The following TRPM3 variants were observed in gnomAD, a reference collection of about 807,000 sequenced individuals.
TRPM3 encodes transient receptor potential cation channel subfamily M member 3, also known as long transient receptor potential channel 3.
TRPM3 carries 77 observed loss-of-function variants against 181.2 expected under a neutral mutation model. The ratio of observed to expected loss-of-function variants is 0.42; its 90% CI spans 0.35 to 0.51. The LOEUF is 0.51. TRPM3 is among the 20% of genes least tolerant of loss of function. TRPM3 has a pLI of 0.01. For missense variants in TRPM3, 1,759 were observed against 2,196.7 expected (o/e 0.80, Z 3.98); for synonymous variants, 745 against 796.4 (o/e 0.94, Z 1.09).
chr9:71,263,037 A>G (rs146712742), intron 1 of TRPM3, among the ~76,000 whole-genome samples: 1 of 152,208 alleles, frequency 6.6e-6, no homozygotes, highest in East Asian at 1.9e-4. Flanking sequence ...GTTTTAAAGC[A>G]TTCACAAACA....
At chr9:70,967,197 A>G (rs2097194122) in intron 1 of TRPM3, among the ~76,000 whole-genome samples, 1 of 152,062 alleles carries the variant, frequency 6.6e-6, no homozygotes, top group African/African-American at 2.4e-5. Context: ...TTAATTCTGC[A>G]TAATTCCAGT....
At chr9:70,993,990 C>T (rs2097518631) in intron 1 of TRPM3, among the ~76,000 whole-genome samples, 1 of 152,058 alleles carries the variant, frequency 6.6e-6, no homozygotes, top group Non-Finnish European at 1.5e-5. Flanking sequence ...GATTGTTGCA[C>T]TGAGCAAAAT....
At chr9:71,193,675 TC>T (rs1327654050) in intron 1 of TRPM3, among the ~76,000 whole-genome samples, 3 of 151,942 alleles carry the variant, frequency 2.0e-5, no homozygotes, top group African/African-American at 7.2e-5. Context: ...CACAAAATTG[TC>T]CTTTTTGTTC....
chr9:70,536,736 T>C lies in TRPM3; in HGVS notation c.4377A>G (p.Thr1459=), dbSNP rs535859113. 7 of 1,614,176 alleles carry C rather than the reference T, an allele frequency of 4.3e-6. No homozygotes were observed. Among genetic ancestry groups the C allele is most frequent in the East Asian group, 4.5e-5 (2 of 44,868 alleles). Residue 1459 remains threonine, a synonymous_variant, in exon 26 of 26, where the codon ACA becomes ACG. Transcript: ENST00000677713. ...STAPSSSAYA[T]LAPTDRPPSR... ...TTGGAGGTCTGTCTGTGGGTGCAAGTGTTGCATAGGCACTACTTGAAGGGG... is the reference window on the plus strand; with the variant it reads ...TTGGAGGTCTGTCTGTGGGTGCAAGCGTTGCATAGGCACTACTTGAAGGGG...
chr9:71,015,885 T>C (rs2097780127), intron 1 of TRPM3, among the ~76,000 whole-genome samples: 1 of 151,982 alleles, frequency 6.6e-6, no homozygotes, highest in Non-Finnish European at 1.5e-5. Flanking sequence ...CTAATAATAA[T>C]AATTCACAAG....
chr9:70,620,116 T>C lies in TRPM3; in HGVS notation c.2089A>G (p.Met697Val). 4 of 1,612,572 alleles carry C rather than the reference T, an allele frequency of 2.5e-6. No individual in the cohort carries two copies. The highest frequency in any genetic ancestry group is 3.4e-6 in the Non-Finnish European group (4 of 1,178,676). ...AGCTCCTGGGAAATGTCGTCAACCA[T>C]GTCGTTCTCAGAGGCCTCATGAGCC... ...AMAHEASEND[M>V]VDDISQELNH... The change falls in exon 16 of 26, where the codon ATG becomes GTG. Residue 697 changes from methionine (M) to valine (V), a missense_variant. Met to Val is a conservative substitution (Grantham distance 21, BLOSUM62 1). Transcript: ENST00000677713.
chr9:71,275,846 T>C (rs1400990196), intron 1 of TRPM3, among the ~76,000 whole-genome samples: 1 of 32,944 alleles, frequency 3.0e-5, no homozygotes, highest in Admixed American at 2.6e-4. Context: ...AAGAAGGAAC[T>C]TTTTTTTTTT....
intron 1 of TRPM3, among the ~76,000 whole-genome samples, chr9:71,095,817 C>A (rs2067090205): frequency 6.7e-6 from 1 of 148,882 alleles, no homozygotes; most frequent in South Asian, 2.1e-4. Flanking sequence ...GAGAGAGAGA[C>A]TGACAAAATT....
At chr9:71,316,465 G>T (rs193018163) in intron 1 of TRPM3, among the ~76,000 whole-genome samples, 1 of 152,284 alleles carries the variant, frequency 6.6e-6, no homozygotes. Context: ...TAAGGTTAAG[G>T]ACCTGGAGAA....
chr9:70,932,283 G>A (rs2096783124), intron 1 of TRPM3, among the ~76,000 whole-genome samples: 1 of 151,914 alleles, frequency 6.6e-6, no homozygotes, highest in East Asian at 1.9e-4. Context: ...TGGGGAAGAG[G>A]GCCTTCGTAA....
chr9:70,766,959 T>A (rs891052982), intron 7 of TRPM3, among the ~76,000 whole-genome samples: 4 of 152,242 alleles, frequency 2.6e-5, no homozygotes, highest in African/African-American at 9.6e-5. Context: ...ATTAAATGAG[T>A]TAAGCTTTGT....
At chr9:71,217,345 T>G (rs1274766950) in intron 1 of TRPM3, among the ~76,000 whole-genome samples, 1 of 152,154 alleles carries the variant, frequency 6.6e-6, no homozygotes, top group Non-Finnish European at 1.5e-5. Flanking sequence ...CATGCAACAG[T>G]CAGCTTGTTA....
At chr9:70,829,007 A>G (rs1374821871) in intron 5 of TRPM3, among the ~76,000 whole-genome samples, 6 of 152,252 alleles carry the variant, frequency 3.9e-5, no homozygotes, top group African/African-American at 1.4e-4. Flanking sequence ...TATTTAGGTA[A>G]GAACTGCCCT....
chr9:70,981,376 G>A (rs1437017387), intron 1 of TRPM3, among the ~76,000 whole-genome samples: 1 of 152,182 alleles, frequency 6.6e-6, no homozygotes, highest in Non-Finnish European at 1.5e-5. Flanking sequence ...TAGCTCATTA[G>A]CAAAGATTGT....
chr9:70,622,137 C>T (rs975595322), intron 14 of TRPM3, among the ~76,000 whole-genome samples: 2 of 152,076 alleles, frequency 1.3e-5, no homozygotes, highest in African/African-American at 2.4e-5. Flanking sequence ...GCTCATTCAC[C>T]CTTCTACTGG....
At chr9:70,997,310 C>T (rs2097549254) in intron 1 of TRPM3, among the ~76,000 whole-genome samples, 1 of 152,154 alleles carries the variant, frequency 6.6e-6, no homozygotes, top group Admixed American at 6.5e-5. Flanking sequence ...GCTATTCTGC[C>T]TCAGCCTCCT....
chr9:70,962,553 C>T lies in TRPM3; in HGVS notation c.178-98042G>A, dbSNP rs564824442. ...GGACGGAATGAGATGCAGTAGTTTC[C>T]CCCTATCCATGAAAGATATGTTCCA... On this transcript the variant is annotated intron_variant, in intron 1 of 25. Coordinates refer to ENST00000677713, the MANE Select transcript of TRPM3 (RefSeq NM_001366145.2). Among the ~76,000 whole-genome samples the T allele has an allele frequency of 3.0e-4, 46 of 152,194 alleles. 1 individual carries two copies. In the South Asian group the frequency reaches 6.8e-3, roughly 23 times the overall value.
At chr9:71,110,524 T>C (rs1000007117) in intron 1 of TRPM3, among the ~76,000 whole-genome samples, 3 of 152,148 alleles carry the variant, frequency 2.0e-5, no homozygotes, top group African/African-American at 7.2e-5. Flanking sequence ...GCATGACGCA[T>C]AGAGTAGTTA....
At chr9:71,410,963 A>T (rs2093536377) in intron 1 of TRPM3, among the ~76,000 whole-genome samples, 1 of 152,214 alleles carries the variant, frequency 6.6e-6, no homozygotes, top group South Asian at 2.1e-4. Context: ...AAAATCAATA[A>T]ACGTAATCCA....
Sources: allele counts gnomAD v4.1 joint callset (sites outside exome capture counted in the v4.1 genomes callset), GRCh38; gene constraint gnomAD v4.1.1; transcripts MANE v1.5; gene names NCBI Gene and HGNC (gene_info 2026-07-23, HGNC 2026-07-21).